The following TP53BP1 variants were observed in gnomAD, a reference collection of about 807,000 sequenced individuals.
The protein encoded by TP53BP1 is tumor protein p53 binding protein 1, also known as TP53-binding protein 1.
Under a neutral mutation model 200.8 loss-of-function variants are expected in TP53BP1, and 61 were observed. The observed-to-expected ratio is 0.30, with a 90% CI of 0.25 to 0.38. The LOEUF (loss-of-function observed/expected upper bound fraction) is 0.38, where lower values mean the gene tolerates loss of function less well. TP53BP1 is among the 10% of genes least tolerant of loss of function. TP53BP1 has a pLI of 1.00. For synonymous variants in TP53BP1, 822 were observed against 844.3 expected (o/e 0.97, Z 0.46); for missense variants, 2,144 against 2,371.9 (o/e 0.90, Z 2.00).
chr15:43,470,207 A>G (rs1271612298), intron 10 of TP53BP1, 141 bp from the exon 11 acceptor site: 1 of 712,564 alleles, frequency 1.4e-6, no homozygotes. Context: ...AGCTGACAGA[A>G]TAATAGTAGA....
chr15:43,420,017 A>G (rs1307089360), intron 21 of TP53BP1, among the ~76,000 whole-genome samples: 4 of 152,234 alleles, frequency 2.6e-5, no homozygotes, highest in Non-Finnish European at 4.4e-5. Flanking sequence ...GATGTCAACA[A>G]TAGGGAAAGC....
intron 12 of TP53BP1, among the ~76,000 whole-genome samples, chr15:43,452,315 T>C (rs1480408792): frequency 2.6e-5 from 4 of 152,078 alleles, no homozygotes; most frequent in Non-Finnish European, 5.9e-5. Flanking sequence ...CCTGTAATCC[T>C]GGCACTCTGG....
chr15:43,425,499 T>C (rs952460388), intron 18 of TP53BP1, among the ~76,000 whole-genome samples: 1 of 152,314 alleles, frequency 6.6e-6, no homozygotes, highest in South Asian at 2.1e-4. Context: ...CGTGTGCCTA[T>C]GGTCCCAGCT....
chr15:43,427,971 A>C, intron 18 of TP53BP1, 45 bp downstream of exon 18: 2 of 1,409,568 alleles, frequency 1.4e-6, no homozygotes, highest in Non-Finnish European at 1.9e-6. Flanking sequence ...AAAAAAAAAA[A>C]AAGAAAGAAA....
Position 43,446,368 on chromosome 15 carries a change from A to C in TP53BP1, c.3040+19T>G, listed in dbSNP as rs2046041321. 1.9e-6 allele frequency: 3 copies of C among 1,605,722 alleles called. No individual in the cohort carries two copies. The East Asian group carries it at 6.7e-5, about 36-fold the overall frequency. ...ATAATCTGCAGCTACTAATTACCCA[A>C]GATTAACATAAAACTTACTTTCCAG... On this transcript the variant is annotated intron_variant, in intron 14 of 27. Transcript: ENST00000382044.
intron 1 of TP53BP1, among the ~76,000 whole-genome samples, chr15:43,507,449 T>C (rs2140187968): frequency 6.6e-6 from 1 of 152,308 alleles, no homozygotes; most frequent in Non-Finnish European, 1.5e-5. Context: ...CAATTCTTTG[T>C]TCAATATGCC....
At chr15:43,509,461 T>C (rs2079258990) in intron 1 of TP53BP1, among the ~76,000 whole-genome samples, 1 of 152,154 alleles carries the variant, frequency 6.6e-6, no homozygotes, top group African/African-American at 2.4e-5. Flanking sequence ...CAGGCTGGAG[T>C]GCAGTGGTGC....
intron 14 of TP53BP1, 65 bp downstream of exon 14, chr15:43,446,322 A>T (rs1307879807): frequency 8.3e-7 from 1 of 1,203,964 alleles, no homozygotes; most frequent in Non-Finnish European, 1.2e-6. Flanking sequence ...TTATAACTAG[A>T]TTATAATCAA....
At chr15:43,421,612 C>A in intron 19 of TP53BP1, 1 of 587,568 alleles carries the variant, frequency 1.7e-6, no homozygotes, top group Non-Finnish European at 3.0e-6. Flanking sequence ...CCGAAAGTCC[C>A]CTCCCCTGTT....
chr15:43,422,884 A>C (rs1207703915), intron 18 of TP53BP1, among the ~76,000 whole-genome samples: 4 of 151,630 alleles, frequency 2.6e-5, no homozygotes, highest in African/African-American at 9.7e-5. Flanking sequence ...AGTCCCAGCT[A>C]CTTGGGAGGC....
intron 4 of TP53BP1, among the ~76,000 whole-genome samples, chr15:43,482,249 AC>A (rs1182537925): frequency 2.0e-5 from 3 of 152,078 alleles, no homozygotes; most frequent in Non-Finnish European, 4.4e-5. Context: ...AACAACAACA[AC>A]AACAACAACA....
intron 4 of TP53BP1, among the ~76,000 whole-genome samples, chr15:43,487,429 C>T (rs2079061336): frequency 6.6e-6 from 1 of 152,250 alleles, no homozygotes; most frequent in South Asian, 2.1e-4. Context: ...AAACATGCAA[C>T]TACCATGACC....
intron 11 of TP53BP1, among the ~76,000 whole-genome samples, chr15:43,464,580 A>G (rs568673777): frequency 6.6e-6 from 1 of 152,292 alleles, no homozygotes; most frequent in South Asian, 2.1e-4. Context: ...TAACTGTGGT[A>G]TATCCACACA....
At chr15:43,445,787 G>A (rs1415371334) in intron 14 of TP53BP1, among the ~76,000 whole-genome samples, 4 of 151,998 alleles carry the variant, frequency 2.6e-5, no homozygotes, top group Non-Finnish European at 5.9e-5. Flanking sequence ...CACTACCAAT[G>A]ACCTCACTTT....
At chr15:43,409,612 G>C in intron 25 of TP53BP1, 35 bp downstream of exon 25, 1 of 1,187,906 alleles carries the variant, frequency 8.4e-7, no homozygotes. Context: ...TCTTATCATT[G>C]CCACTATATT....
At chr15:43,487,987 A>C (rs1366799362) in intron 4 of TP53BP1, among the ~76,000 whole-genome samples, 1 of 152,130 alleles carries the variant, frequency 6.6e-6, no homozygotes, top group Non-Finnish European at 1.5e-5. Flanking sequence ...GGAGCCCCAG[A>C]AGTTATGCTG....
At chr15:43,480,177 G>A (rs368606849) in intron 5 of TP53BP1, among the ~76,000 whole-genome samples, 160 bp from the exon 6 acceptor site, 15 of 152,196 alleles carry the variant, frequency 9.9e-5, no homozygotes, top group South Asian at 2.1e-4. Flanking sequence ...GGCCGAGCAC[G>A]GTGGCTCACA....
Position 43,455,993 on chromosome 15 carries a change from G to T in TP53BP1, c.2615C>A (p.Ser872Ter). 6.2e-7 allele frequency: 1 copy of T among 1,613,926 alleles called. No individual in the cohort carries two copies. Among genetic ancestry groups the T allele is most frequent in the Non-Finnish European group, 8.5e-7 (1 of 1,180,000 alleles). ...TAGCTGCTTTGCATTAGCCATTTTT[G>T]AGTCTTCTGTTAATGAATTACTTGT... ...EKTSNSLTED[S>*]KMANAKQLSS... The change falls in exon 12 of 28, where the codon TCA becomes TAA. Residue 872 changes from serine (S) to a stop codon, truncating the protein, a stop_gained. Transcript: ENST00000382044. LOFTEE classifies it high-confidence loss of function.
intron 21 of TP53BP1, among the ~76,000 whole-genome samples, chr15:43,417,712 A>T (rs931045939): frequency 2.0e-5 from 3 of 152,210 alleles, no homozygotes; most frequent in Non-Finnish European, 4.4e-5. Context: ...ACAAACTATG[A>T]GTCACAATAA....
Sources: gnomAD v4.1 joint callset for allele counts (sites outside exome capture counted in the v4.1 genomes callset) on GRCh38, gnomAD v4.1.1 for gene constraint, MANE v1.5 for transcripts, NCBI Gene and HGNC (gene_info 2026-07-23, HGNC 2026-07-21) for gene names.